The following TEPSIN variants were observed in gnomAD, a reference collection of about 807,000 sequenced individuals.
TEPSIN encodes the protein AP-4 complex accessory subunit tepsin.
In TEPSIN, 50 loss-of-function variants were observed where a neutral mutation model predicts 48.5. That is an observed-to-expected ratio of 1.03 (90% CI 0.82 to 1.31). The LOEUF (loss-of-function observed/expected upper bound fraction) is 1.31. TEPSIN is among the 50% of genes most tolerant of loss of function. TEPSIN has a pLI of 0.00. For missense variants in TEPSIN, 838 were observed against 815.9 expected, an observed-to-expected ratio of 1.03 and a Z score of -0.33; for synonymous variants, 392 against 358.8, an observed-to-expected ratio of 1.09 and a Z score of -1.05.
Position 81,233,033 on chromosome 17 carries a change from T to C in TEPSIN, c.526+399A>G. 1 of 269,564 alleles carries C rather than the reference T, an allele frequency of 3.7e-6. No individual in the cohort carries two copies. Among genetic ancestry groups the C allele is most frequent in the Non-Finnish European group, 7.1e-6 (1 of 140,620 alleles). 16.7% of individuals were successfully genotyped at this position (269,564 alleles called of 1,614,324 possible). On this transcript the variant is annotated intron_variant, in intron 7 of 12. Coordinates refer to ENST00000637944, the MANE Select transcript of TEPSIN (RefSeq NM_001363764.2). The surrounding 1 kb of genome is among the most constrained non-coding windows in gnomAD (Gnocchi z 5.8). ...CCCAGCCGCAGGCAGTGGTGCCACC[T>C]GTGGCTCTCCTGGCGCTGGTGAGCA... is the stretch of plus-strand genomic sequence containing the variant.
chr17:81,237,214 G>T, intron 2 of TEPSIN, 143 bp from the exon 3 acceptor site: 1 of 1,171,516 alleles, frequency 8.5e-7, no homozygotes. Flanking sequence ...TGGGCTTCTA[G>T]GGTCCCCTGT....
rs1042465007 is a variant in TEPSIN, at chr17:81,232,478, G to A, written c.567C>T (p.Ala189=). ...GCATGGCGCTGGCCACCACCTCTGC[G>A]GCCTTCTGGATGGTGGAGAGGAAGG... The part of the protein sequence containing the change: ...GEAFLSTIQK[A]AEVVASAMRP... Residue 189 remains alanine (A), a synonymous_variant, in exon 8 of 13, where the codon GCC becomes GCT. Transcript: ENST00000637944. The A allele has an allele frequency of 9.6e-5, 148 of 1,534,952 alleles. No individual in the cohort carries two copies. Among genetic ancestry groups the A allele is most frequent in the Non-Finnish European group, 1.2e-4 (143 of 1,146,546 alleles).
chr17:81,233,326 G>C lies in TEPSIN; in HGVS notation c.526+106C>G. On this transcript the variant is annotated intron_variant, in intron 7 of 12. Transcript: ENST00000637944. The surrounding 1 kb of genome is among the most constrained non-coding windows in gnomAD (Gnocchi z 5.8). ...AGGGTTGAGGCCATGTAGGGGAGGGGACGGGGGACAGCAGCTACTAGATGG... is the reference window on the plus strand; with the variant it reads ...AGGGTTGAGGCCATGTAGGGGAGGGCACGGGGGACAGCAGCTACTAGATGG... The C allele has an allele frequency of 1.5e-6, 2 of 1,338,106 alleles. No homozygotes were observed. Among genetic ancestry groups the C allele is most frequent in the Non-Finnish European group, 2.0e-6 (2 of 980,282 alleles). 82.9% of individuals were successfully genotyped at this position (1,338,106 alleles called of 1,614,324 possible). A position where few individuals can be genotyped will look rare whatever the true frequency, so the allele number is the denominator to read the frequency against.
chr17:81,234,434 C>T lies in TEPSIN; in HGVS notation c.308-386G>A, dbSNP rs1285999558. 6.6e-6 allele frequency among the ~76,000 whole-genome samples: 1 copy of T among 152,124 alleles called. No individual in the cohort carries two copies. The highest frequency in any genetic ancestry group is 1.5e-5 in the Non-Finnish European group (1 of 68,002). On this transcript the variant is annotated intron_variant, in intron 4 of 12. Coordinates refer to ENST00000637944, the MANE Select transcript of TEPSIN (RefSeq NM_001363764.2). The surrounding 1 kb of genome is among the most constrained non-coding windows in gnomAD (Gnocchi z 5.4). The stretch of plus-strand genomic sequence containing the variant: ...CGTTCTTATCACAGCCTGAAAGCTC[C>T]ACCTAGCCCCACCCAACCCCAGTCT...
intron 4 of TEPSIN, among the ~76,000 whole-genome samples, chr17:81,236,027 G>A (rs1461544572): frequency 6.6e-6 from 1 of 152,216 alleles, no homozygotes; most frequent in East Asian, 1.9e-4. Context: ...CCACTCAGGG[G>A]CTGGGGTGGG....
chr17:81,228,843 A>G lies in TEPSIN; in HGVS notation c.*85T>C, dbSNP rs1211024918. The G allele has an allele frequency of 2.0e-6, 3 of 1,528,858 alleles. No homozygotes were observed. The highest frequency in any genetic ancestry group is 1.2e-5 in the South Asian group (1 of 84,618). 94.7% of individuals were successfully genotyped at this position (1,528,858 alleles called of 1,614,324 possible). On this transcript the variant is annotated 3_prime_UTR_variant, in exon 13 of 13. Coordinates refer to ENST00000637944, the MANE Select transcript of TEPSIN (RefSeq NM_001363764.2). ...TCAAGTCAAGCTGCCTGGAGACTGT[A>G]GCAGCTACGGTTGAGGCTGCTCAGG...
intron 4 of TEPSIN, 197 bp downstream of exon 4, chr17:81,236,511 C>A (rs1032558144): frequency 7.8e-6 from 5 of 642,722 alleles, no homozygotes; most frequent in Non-Finnish European, 1.3e-5. Context: ...GAGGCCGAGC[C>A]GGCCAGCTGG....
rs957638605 is a variant in TEPSIN at position 81,231,574 on chromosome 17, T to C, written c.1019+4A>G. 6.2e-7 allele frequency: 1 copy of C among 1,610,926 alleles called. No homozygotes were observed. Among genetic ancestry groups the C allele is most frequent in the African/African-American group, 1.3e-5 (1 of 74,868 alleles). ...CAGAGCAGGGCGGGTCCGGGCGCAC[T>C]CACGCTTTGATGAAGTGCTGTGCCT... On this transcript the variant is annotated splice_donor_region_variant and intron_variant, in intron 10 of 12. Transcript: ENST00000637944.
Position 81,234,197 on chromosome 17 carries a change from A to G in TEPSIN, c.308-149T>C. Reference sequence around the variant, plus strand: ...AGCCAATGGGATGCCCTCCTCCAGGACCCTGCAGAGGCCACACCTGAGCAG... The same window carrying G: ...AGCCAATGGGATGCCCTCCTCCAGGGCCCTGCAGAGGCCACACCTGAGCAG... On this transcript the variant is annotated intron_variant, in intron 4 of 12. Coordinates refer to ENST00000637944, the MANE Select transcript of TEPSIN (RefSeq NM_001363764.2). The surrounding 1 kb of genome is among the most constrained non-coding windows in gnomAD (Gnocchi z 5.4). 1 of 617,734 alleles carries G rather than the reference A, an allele frequency of 1.6e-6. No homozygotes were observed. Among genetic ancestry groups the G allele is most frequent in the Non-Finnish European group, 2.7e-6 (1 of 369,574 alleles). The allele number at this position is 617,734 out of a possible 1,614,324, so 38.3% of individuals were successfully genotyped here. A position where few individuals can be genotyped will look rare whatever the true frequency, so the allele number is the denominator to read the frequency against.
Position 81,231,904 on chromosome 17 carries a change from T to A in TEPSIN, c.848A>T (p.His283Leu), listed in dbSNP as rs1437838863. ...CCCTGAATGGCTGTCGCTGCCGGAA[T>A]GACTGCCCGAGTCCGAGACCCTGCT... ...DLSRVSDSGSHSGSDSHSGAS... is the reference protein window; with the variant it reads ...DLSRVSDSGSLSGSDSHSGAS... Residue 283 changes from histidine (H) to leucine (L), a missense_variant, in exon 9 of 13, where the codon CAT becomes CTT. Physicochemically the swap from His to Leu is moderately conservative, Grantham distance 99. Transcript: ENST00000637944. 6.2e-7 allele frequency: 1 copy of A among 1,613,636 alleles called. No homozygotes were observed. The highest frequency in any genetic ancestry group is 1.7e-5 in the Admixed American group (1 of 60,030).
In TEPSIN at chr17:81,232,357, T is replaced by C. The variant is rs2062632790; in HGVS notation, c.688A>G (p.Thr230Ala). ...MMPSASHGPP[T>A]LGNLLPGAIP... ...GCCCCGGGGAGTAGGTTCCCCAGGG[T>C]TGGGGGACCGTGGCTGGCTGAAGGC... Residue 230 changes from threonine (T) to alanine (A), a missense_variant, in exon 8 of 13, where the codon ACC (threonine) becomes GCC (alanine). Coordinates refer to ENST00000637944, the MANE Select transcript of TEPSIN (RefSeq NM_001363764.2). 4 of 1,535,134 alleles carry C rather than the reference T, an allele frequency of 2.6e-6. No individual in the cohort carries two copies. The highest frequency in any genetic ancestry group is 3.5e-6 in the Non-Finnish European group (4 of 1,146,228).
intron 1 of TEPSIN, chr17:81,238,053 T>C (rs1056530195): frequency 3.0e-6 from 3 of 992,848 alleles, no homozygotes; most frequent in African/African-American, 1.7e-5. Context: ...CACCCATTCT[T>C]GCATTATTCA....
At position 81,231,945 on chromosome 17, in the gene TEPSIN, G is replaced by A. The variant is rs772840082; in HGVS notation, c.807C>T (p.Ser269=). 1 of 1,613,604 alleles carries A rather than the reference G, an allele frequency of 6.2e-7. No individual in the cohort carries two copies. The highest frequency in any genetic ancestry group is 2.2e-5 in the East Asian group (1 of 44,880). The change falls in exon 9 of 13, where the codon TCC becomes TCT. Residue 269 remains serine (S), a synonymous_variant. Coordinates refer to ENST00000637944, the MANE Select transcript of TEPSIN (RefSeq NM_001363764.2). ...LDSGPSSQNS[S]QNSDLSRVSD... is the part of the protein sequence containing the mutation. Reference sequence around the variant, plus strand: ...AGACCCTGCTCAGGTCGCTGTTCTGGGAGGAATTCTGAGAGCTGGGGCCGC... The same window carrying A: ...AGACCCTGCTCAGGTCGCTGTTCTGAGAGGAATTCTGAGAGCTGGGGCCGC...
chr17:81,230,416 G>A lies in TEPSIN; in HGVS notation c.1233+128C>T, dbSNP rs1444365967. ...TGCTGCTCCCTCTGCCAGCGGGACA[G>A]GGACTTGAGAGGGGGTCCGGGAAGG... On this transcript the variant is annotated intron_variant, in intron 12 of 12. Coordinates refer to ENST00000637944, the MANE Select transcript of TEPSIN (RefSeq NM_001363764.2). The surrounding 1 kb of genome is among the most constrained non-coding windows in gnomAD (Gnocchi z 4.2). 3.0e-6 allele frequency: 4 copies of A among 1,339,430 alleles called. No homozygotes were observed. Among genetic ancestry groups the A allele is most frequent in the Non-Finnish European group, 3.0e-6 (3 of 991,020 alleles). The allele number at this position is 1,339,430 out of a possible 1,614,324, so 83.0% of individuals were successfully genotyped here. A position where few individuals can be genotyped will look rare whatever the true frequency, so the allele number is the denominator to read the frequency against.
chr17:81,231,799 T>G, intron 9 of TEPSIN, 48 bp downstream of exon 9: 1 of 1,608,010 alleles, frequency 6.2e-7, no homozygotes, highest in Non-Finnish European at 8.5e-7. Flanking sequence ...AGGGGGACAG[T>G]GTGGTGCCTC....
At position 81,233,524 on chromosome 17, in the gene TEPSIN, G is replaced by C; in HGVS notation, c.455-21C>G. ...CATGCCTGCAGAGGGTCCTCCGTTA[G>C]CAGCAAGCCGGCCCCCACCCTCGGC... On this transcript the variant is annotated intron_variant, in intron 6 of 12. Transcript: ENST00000637944. The surrounding 1 kb of genome is among the most constrained non-coding windows in gnomAD (Gnocchi z 5.8). 1 of 1,577,732 alleles carries C rather than the reference G, an allele frequency of 6.3e-7. No individual in the cohort carries two copies. Among genetic ancestry groups the C allele is most frequent in the Non-Finnish European group, 8.6e-7 (1 of 1,159,404 alleles).
In TEPSIN at chr17:81,230,311, T is replaced by C. The variant is rs1490890827; in HGVS notation, c.1233+233A>G. 3 of 525,308 alleles carry C rather than the reference T, an allele frequency of 5.7e-6. No homozygotes were observed. Among genetic ancestry groups the C allele is most frequent in the Non-Finnish European group, 6.6e-6 (2 of 303,022 alleles). 32.5% of individuals were successfully genotyped at this position (525,308 alleles called of 1,614,324 possible). On this transcript the variant is annotated intron_variant, in intron 12 of 12. Coordinates refer to ENST00000637944, the MANE Select transcript of TEPSIN (RefSeq NM_001363764.2). This position sits in a 1 kb window ranked among gnomAD's most constrained non-coding sequence, Gnocchi z 4.2. ...GAGTCTGGGGGCTTCCAGGAATAGG[T>C]AGAGGCCAGTGTACTGTGAGTGCTG...
At position 81,229,407 on chromosome 17, in the gene TEPSIN, G is replaced by A. The variant is rs2062540962; in HGVS notation, c.1303C>T (p.Pro435Ser). The A allele has an allele frequency of 1.3e-6, 2 of 1,550,890 alleles. No individual in the cohort carries two copies. The highest frequency in any genetic ancestry group is 2.0e-5 in the Admixed American group (1 of 50,754). The stretch of plus-strand genomic sequence containing the variant: ...GATGGGCCTGGGAGGGCGGCTGTGG[G>A]GCCAGGCTCAGCTGAGGTGCCCCGG... ...PARGTSAEPG[P>S]TAALPGPSDL... Residue 435 changes from proline (P) to serine (S), a missense_variant, in exon 13 of 13, where the codon CCC becomes TCC. Transcript: ENST00000637944.
Position 81,231,904 on chromosome 17 carries a change from T to C in TEPSIN, c.848A>G (p.His283Arg). Residue 283 changes from histidine to arginine, a missense_variant, in exon 9 of 13, where the codon CAT (histidine) becomes CGT (arginine). Coordinates refer to ENST00000637944, the MANE Select transcript of TEPSIN (RefSeq NM_001363764.2). ...CCCTGAATGGCTGTCGCTGCCGGAA[T>C]GACTGCCCGAGTCCGAGACCCTGCT... ...DLSRVSDSGS[H>R]SGSDSHSGAS... 6.2e-7 allele frequency: 1 copy of C among 1,613,636 alleles called. No homozygotes were observed.
Sources: allele counts gnomAD v4.1 joint callset (sites outside exome capture counted in the v4.1 genomes callset), GRCh38; gene constraint gnomAD v4.1.1; non-coding constraint Gnocchi (gnomAD v3.1); transcripts MANE v1.5; gene names NCBI Gene and HGNC (gene_info 2026-07-23, HGNC 2026-07-21).